MAPK10: variants seen among roughly 807,000 people sequenced by gnomAD.
MAPK10 encodes the protein mitogen-activated protein kinase 10, also known as JNK3 alpha protein kinase.
In MAPK10, 25 loss-of-function variants were observed where a neutral mutation model predicts 59.3. The observed-to-expected ratio is 0.42, with a 90% confidence interval of 0.31 to 0.59. MAPK10 has a LOEUF of 0.59. MAPK10 is among the 20% of genes least tolerant of loss of function. The probability of loss-of-function intolerance (pLI) is 0.15; values close to 1 mark genes in which losing one functional copy is unlikely to be tolerated. For synonymous variants in MAPK10, 190 were observed against 200.5 expected (o/e 0.95, Z 0.44); for missense variants, 351 against 568.9 (o/e 0.62, Z 3.90).
At chr4:86,273,412 T>G (rs781295938) in intron 2 of MAPK10, among the ~76,000 whole-genome samples, 13 of 151,984 alleles carry the variant, frequency 8.6e-5, no homozygotes, top group Admixed American at 5.9e-4. Context: ...AGTAAACATG[T>G]TTCATTTTAG....
intron 1 of MAPK10, among the ~76,000 whole-genome samples, chr4:86,558,861 G>T (rs1396726333): frequency 6.6e-6 from 1 of 151,422 alleles, no homozygotes; most frequent in African/African-American, 2.4e-5. Flanking sequence ...CCAGAAATGT[G>T]TAGCATGCTG....
chr4:86,118,361 A>T (rs1489678995), intron 4 of MAPK10, among the ~76,000 whole-genome samples: 1 of 152,058 alleles, frequency 6.6e-6, no homozygotes, highest in Non-Finnish European at 1.5e-5. Context: ...AAATGGAGAT[A>T]GGTCTTTATG....
At chr4:86,421,556 A>G (rs562329573) in intron 1 of MAPK10, among the ~76,000 whole-genome samples, 1 of 152,232 alleles carries the variant, frequency 6.6e-6, no homozygotes, top group Admixed American at 6.5e-5. Context: ...GCTTGTATCT[A>G]AAAAAGAAAG....
At chr4:86,120,998 A>T (rs911571213) in intron 4 of MAPK10, among the ~76,000 whole-genome samples, 2 of 152,242 alleles carry the variant, frequency 1.3e-5, no homozygotes, top group Admixed American at 1.3e-4. Context: ...AGTACTATAT[A>T]CTAAATTTCT....
chr4:86,276,784 G>A (rs1238342712), intron 2 of MAPK10, among the ~76,000 whole-genome samples: 1 of 151,956 alleles, frequency 6.6e-6, no homozygotes, highest in African/African-American at 2.4e-5. Context: ...ATCATTGTCT[G>A]GTTCTATCAT....
chr4:86,320,102 T>C (rs1375656193), intron 2 of MAPK10, among the ~76,000 whole-genome samples: 3 of 152,240 alleles, frequency 2.0e-5, no homozygotes, highest in East Asian at 3.8e-4. Flanking sequence ...ACCTGGAGTC[T>C]AGTTCTGTTA....
chr4:86,210,997 T>G (rs2085635956), intron 2 of MAPK10, among the ~76,000 whole-genome samples: 1 of 151,568 alleles, frequency 6.6e-6, no homozygotes. Flanking sequence ...GAGTAAAGAA[T>G]CAATGAACTT....
At chr4:86,196,346 C>A (rs568036505) in intron 2 of MAPK10, among the ~76,000 whole-genome samples, 15 of 152,254 alleles carry the variant, frequency 9.9e-5, no homozygotes, top group African/African-American at 3.4e-4. Context: ...TGTTTGTTGG[C>A]TGCATAAATG....
intron 9 of MAPK10, chr4:86,081,479 A>C (rs1437959227): frequency 6.6e-6 from 1 of 152,008 alleles, no homozygotes; most frequent in African/African-American, 2.4e-5. Flanking sequence ...AAATTATATA[A>C]GGAATGTCTA....
intron 1 of MAPK10, among the ~76,000 whole-genome samples, chr4:86,389,739 T>A (rs1206570397): frequency 6.6e-6 from 1 of 152,234 alleles, no homozygotes; most frequent in East Asian, 1.9e-4. Flanking sequence ...TCTAGGATTC[T>A]GACTACTGTA....
chr4:86,333,888 T>C (rs2096212598), intron 2 of MAPK10, among the ~76,000 whole-genome samples: 1 of 152,146 alleles, frequency 6.6e-6, no homozygotes, highest in African/African-American at 2.4e-5. Context: ...ATGTTTTAAC[T>C]TTTACCACTA....
At chr4:86,044,650 A>G in intron 11 of MAPK10, 1 of 396,932 alleles carries the variant, frequency 2.5e-6, no homozygotes, top group Non-Finnish European at 4.4e-6. Context: ...AAATTTGTGA[A>G]TTGTAATCAA....
chr4:86,044,791 T>C (rs896363008), intron 11 of MAPK10: 5 of 397,414 alleles, frequency 1.3e-5, no homozygotes, highest in African/African-American at 1.0e-4. Context: ...TGAAGCACCA[T>C]TGACTCTGGC....
chr4:86,491,528 A>T (rs1754453238), intron 1 of MAPK10, among the ~76,000 whole-genome samples: 2 of 152,214 alleles, frequency 1.3e-5, no homozygotes, highest in African/African-American at 2.4e-5. Flanking sequence ...GGGTGAATCA[A>T]AATATCTGGT....
Position 86,017,106 on chromosome 4 carries a change from T to C in MAPK10, c.*122A>G. On this transcript the variant is annotated 3_prime_UTR_variant, in exon 14 of 14. Coordinates refer to ENST00000641462, the MANE Select transcript of MAPK10 (RefSeq NM_138982.4). This position sits in a 1 kb window ranked among gnomAD's most constrained non-coding sequence, Gnocchi z 4.4. ...TTTATTTAATTTTAGGCTTGGATTC[T>C]CTCCCTTGCTGTTTTCTTGATGTTG... 9.1e-7 allele frequency: 1 copy of C among 1,094,818 alleles called. No homozygotes were observed. The highest frequency in any genetic ancestry group is 1.3e-6 in the Non-Finnish European group (1 of 761,536). 67.8% of individuals were successfully genotyped at this position (1,094,818 alleles called of 1,614,324 possible).
upstream of MAPK10, among the ~76,000 whole-genome samples, chr4:86,455,225 A>T (rs1050071008): frequency 6.6e-6 from 1 of 151,854 alleles, no homozygotes; most frequent in Admixed American, 6.6e-5. Flanking sequence ...ATACAACAAC[A>T]ACAAAAAAAA....
At chr4:86,451,838 G>C (rs1750750162) in intron 1 of MAPK10, among the ~76,000 whole-genome samples, 1 of 152,168 alleles carries the variant, frequency 6.6e-6, no homozygotes, top group Admixed American at 6.5e-5. Context: ...GTCCAAAGCA[G>C]GATCTGAGAG....
At chr4:86,251,362 T>A (rs948914064) in intron 2 of MAPK10, among the ~76,000 whole-genome samples, 1 of 151,436 alleles carries the variant, frequency 6.6e-6, no homozygotes, top group African/African-American at 2.4e-5. Flanking sequence ...AGTGTGATAT[T>A]CCCCTTCCTG....
intron 1 of MAPK10, among the ~76,000 whole-genome samples, chr4:86,460,481 A>G (rs1751628279): frequency 1.3e-5 from 2 of 152,242 alleles, no homozygotes; most frequent in South Asian, 2.1e-4. Context: ...TGTAAAAATC[A>G]GAAGAAAAAG....
Sources: gnomAD v4.1 joint callset for allele counts (sites outside exome capture counted in the v4.1 genomes callset) on GRCh38, gnomAD v4.1.1 for gene constraint, Gnocchi (gnomAD v3.1) non-coding constraint, MANE v1.5 for transcripts, NCBI Gene and HGNC (gene_info 2026-07-23, HGNC 2026-07-21) for gene names.